Variants in KLF12 observed in about 807,000 individuals in gnomAD.
KLF12 encodes Krueppel-like factor 12.
A neutral mutation model predicts 37.8 loss-of-function variants in KLF12; 9 were observed. That is an observed-to-expected ratio of 0.24 (90% CI 0.14 to 0.42). The LOEUF is 0.42. Among genes scored for constraint, KLF12 ranks in the 10% least tolerant of loss-of-function variants. KLF12 has a pLI of 1.00. For synonymous variants in KLF12, 208 were observed against 202.1 expected, an observed-to-expected ratio of 1.03 and a Z score of -0.25; for missense variants, 411 against 516.0, an observed-to-expected ratio of 0.80 and a Z score of 1.97.
chr13:74,185,051 C>T, the KLF12 span, among the ~76,000 whole-genome samples: 8 of 152,092 alleles, frequency 5.3e-5, no homozygotes, highest in African/African-American at 1.2e-4. Flanking sequence ...GTGGTATAGA[C>T]GAATATGGCC....
chr13:73,841,225 C>T (rs898053335), intron 4 of KLF12, among the ~76,000 whole-genome samples: 4 of 152,084 alleles, frequency 2.6e-5, no homozygotes, highest in Non-Finnish European at 4.4e-5. Context: ...GAATCCTAAA[C>T]GCGCCTGCTC....
Position 74,031,647 on chromosome 13 carries a change from G to A in KLF12, c.-31-36594C>T, listed in dbSNP as rs960894424. Reference sequence around the variant, plus strand: ...ACATACCGCCTTCTTCCATCTACAAGCAGTGCATTATAAAACAACTCAAAT... The same window carrying A: ...ACATACCGCCTTCTTCCATCTACAAACAGTGCATTATAAAACAACTCAAAT... On this transcript the variant is annotated intron_variant, in intron 1 of 7. Coordinates refer to ENST00000377669, the MANE Select transcript of KLF12 (RefSeq NM_007249.5). Among the ~76,000 whole-genome samples the A allele has an allele frequency of 2.6e-5, 4 of 152,004 alleles. No homozygotes were observed. The East Asian group carries it at 7.7e-4, about 29-fold the overall frequency.
the KLF12 span, among the ~76,000 whole-genome samples, chr13:74,238,997 T>C: frequency 6.7e-6 from 1 of 150,268 alleles, no homozygotes; most frequent in African/African-American, 2.5e-5. Flanking sequence ...TGAATGTGTT[T>C]GCTCTTGCTT....
At chr13:73,974,457 C>T (rs9530269) in intron 2 of KLF12, among the ~76,000 whole-genome samples, 114,991 of 152,004 alleles carry the variant, frequency 0.76, 45,910 homozygotes, top group Non-Finnish European at 0.9. Flanking sequence ...TTTCTAAGTG[C>T]AACTCAAGAA....
chr13:74,112,832 TGAGG>T (rs1877061132), intron 1 of KLF12, among the ~76,000 whole-genome samples: 1 of 152,162 alleles, frequency 6.6e-6, no homozygotes, highest in South Asian at 2.1e-4. Context: ...GTAAGTTTAA[TGAGG>T]GAGGCAGGAT....
chr13:74,171,612 G>A, the KLF12 span, among the ~76,000 whole-genome samples: 1 of 152,082 alleles, frequency 6.6e-6, no homozygotes, highest in African/African-American at 2.4e-5. Context: ...AAAAGTCAAT[G>A]TATTATTTAT....
the KLF12 span, among the ~76,000 whole-genome samples, chr13:74,144,348 A>G: frequency 2.0e-5 from 3 of 152,194 alleles, no homozygotes; most frequent in East Asian, 5.8e-4. Flanking sequence ...GACTTCCACT[A>G]GTTATCAAAG....
chr13:73,895,432 T>C (rs1887717221), intron 3 of KLF12, among the ~76,000 whole-genome samples: 1 of 152,230 alleles, frequency 6.6e-6, no homozygotes, highest in Non-Finnish European at 1.5e-5. Flanking sequence ...CATAATTCTC[T>C]TGTGTACTTG....
the KLF12 span, among the ~76,000 whole-genome samples, chr13:74,157,683 A>G: frequency 6.6e-6 from 1 of 152,202 alleles, no homozygotes; most frequent in African/African-American, 2.4e-5. Context: ...CAGACCAGTC[A>G]TTAAGCTTCC....
At chr13:73,715,675 C>T (rs1447512881) in intron 6 of KLF12, 150 bp from the exon 7 acceptor site, 3 of 735,396 alleles carry the variant, frequency 4.1e-6, no homozygotes, top group East Asian at 2.8e-5. Flanking sequence ...TTGGGCAGAT[C>T]TCACTTTTCG....
In KLF12 at chr13:73,863,734, A is replaced by AGTGC. The variant is rs528228985; in HGVS notation, c.124-17362_124-17361insGCAC. On this transcript the variant is annotated intron_variant, in intron 3 of 7. Coordinates refer to ENST00000377669, the MANE Select transcript of KLF12 (RefSeq NM_007249.5). ...AGACAGGCAAATACTAGAGATGCAC[A>AGTGC]GTTTTCTAGTTTTAAACTTCTGGGG... 3.6e-4 allele frequency among the ~76,000 whole-genome samples: 55 copies of AGTGC among 152,268 alleles called. No individual in the cohort carries two copies. The East Asian group carries it at 0.01, about 29-fold the overall frequency.
At chr13:73,737,101 A>G (rs1454582235) in intron 6 of KLF12, among the ~76,000 whole-genome samples, 2 of 152,016 alleles carry the variant, frequency 1.3e-5, no homozygotes, top group Admixed American at 6.6e-5. Context: ...TTCTTACTAG[A>G]TTACCTGAGG....
At chr13:73,769,103 T>A (rs998439060) in intron 5 of KLF12, among the ~76,000 whole-genome samples, 17 of 152,356 alleles carry the variant, frequency 1.1e-4, no homozygotes, top group Admixed American at 9.1e-4. Flanking sequence ...GTCATAATAA[T>A]ATACTTTATC....
chr13:74,127,832 T>G (rs1245313830), intron 1 of KLF12, among the ~76,000 whole-genome samples: 2 of 152,234 alleles, frequency 1.3e-5, no homozygotes, highest in Non-Finnish European at 2.9e-5. Context: ...TCTAACCAAG[T>G]GACTTTTAAG....
intron 5 of KLF12, among the ~76,000 whole-genome samples, chr13:73,765,213 G>A (rs1229638154): frequency 3.3e-5 from 5 of 151,960 alleles, no homozygotes; most frequent in African/African-American, 1.2e-4. Context: ...AAGACAACAG[G>A]TCTGTCATAA....
chr13:74,052,115 C>A lies in KLF12; in HGVS notation c.-31-57062G>T, dbSNP rs117577906. Among the ~76,000 whole-genome samples the A allele has an allele frequency of 8.3e-3, 1,259 of 152,056 alleles. 14 individuals are homozygous for A. The highest frequency in any genetic ancestry group is 0.056 in the East Asian group (292 of 5,182). ...TTCAAGGTGTATGACTTAAATTTTA[C>A]CTTTCTATGCCTCAGTTTCCTTATA... On this transcript the variant is annotated intron_variant, in intron 1 of 7. Coordinates refer to ENST00000377669, the MANE Select transcript of KLF12 (RefSeq NM_007249.5).
intron 3 of KLF12, among the ~76,000 whole-genome samples, chr13:73,918,302 TACTCA>T (rs575550240): frequency 6.1e-4 from 93 of 152,296 alleles, no homozygotes; most frequent in African/African-American, 2.2e-3. Context: ...TTCTTACTCC[TACTCA>T]AATCTTTGTT....
intron 3 of KLF12, among the ~76,000 whole-genome samples, chr13:73,916,208 T>TAC (rs67011700): frequency 0.18 from 19,524 of 109,554 alleles, 1,986 homozygotes; most frequent in East Asian, 0.6. Flanking sequence ...AGCTAATACT[T>TAC]ACACACACAC....
chr13:74,137,487 G>T (rs1049193845), upstream of KLF12, among the ~76,000 whole-genome samples: 1 of 152,056 alleles, frequency 6.6e-6, no homozygotes, highest in Non-Finnish European at 1.5e-5. Context: ...GATAAAGTTG[G>T]GTATTCTTAA....
Sources: allele counts gnomAD v4.1 joint callset (sites outside exome capture counted in the v4.1 genomes callset), GRCh38; gene constraint gnomAD v4.1.1; transcripts MANE v1.5; gene names NCBI Gene and HGNC (gene_info 2026-07-23, HGNC 2026-07-21).